PIKFYVE: variants seen among roughly 807,000 people sequenced by gnomAD.
PIKFYVE encodes the protein phosphoinositide kinase, FYVE-type zinc finger containing.
A neutral mutation model predicts 257.9 loss-of-function variants in PIKFYVE; 122 were observed. The observed-to-expected ratio is 0.47, with a 90% CI of 0.41 to 0.55. The LOEUF is 0.55. Among genes scored for constraint, PIKFYVE ranks in the 20% least tolerant of loss-of-function variants. The pLI, the probability that PIKFYVE is intolerant of heterozygous loss-of-function variation, is 0.00. For synonymous variants in PIKFYVE, 892 were observed against 868.9 expected (o/e 1.03, Z -0.47); for missense variants, 2,160 against 2,536.6 (o/e 0.85, Z 3.19).
chr2:208,336,780 G>T (rs969936640), intron 27 of PIKFYVE, 58 bp from the exon 28 acceptor site: 3 of 1,111,244 alleles, frequency 2.7e-6, no homozygotes, highest in Non-Finnish European at 4.1e-6. Flanking sequence ...TTTATAAACA[G>T]CACTCAAGGG....
intron 23 of PIKFYVE, among the ~76,000 whole-genome samples, chr2:208,331,470 T>C (rs1285036623): frequency 6.6e-6 from 1 of 152,170 alleles, no homozygotes; most frequent in Non-Finnish European, 1.5e-5. Flanking sequence ...CTCTGTCTCC[T>C]GAGTTCAAGC....
At chr2:208,351,227 G>A (rs567522863) in intron 37 of PIKFYVE, 125 bp from the exon 38 acceptor site, 3 of 926,340 alleles carry the variant, frequency 3.2e-6, no homozygotes, top group African/African-American at 1.6e-5. Context: ...AATTTTCACT[G>A]TGACATTAGA....
At chr2:208,293,416 C>G (rs1692568063) in intron 7 of PIKFYVE, among the ~76,000 whole-genome samples, 1 of 151,986 alleles carries the variant, frequency 6.6e-6, no homozygotes, top group African/African-American at 2.4e-5. Flanking sequence ...AGTTTCTGAC[C>G]TATATCATAT....
intron 17 of PIKFYVE, 34 bp from the exon 18 acceptor site, chr2:208,324,108 A>G: frequency 6.2e-7 from 1 of 1,604,344 alleles, no homozygotes. Flanking sequence ...ACTGCATTTT[A>G]CCAGGTGTAA....
chr2:208,331,417 G>A (rs1016716678), intron 23 of PIKFYVE, among the ~76,000 whole-genome samples: 2 of 151,716 alleles, frequency 1.3e-5, no homozygotes, highest in African/African-American at 4.8e-5. Context: ...TTGCTCTATC[G>A]CCCGGTCTGG....
chr2:208,300,900 T>C (rs1169138460), intron 8 of PIKFYVE, 37 bp from the exon 9 acceptor site: 1 of 1,613,038 alleles, frequency 6.2e-7, no homozygotes, highest in Non-Finnish European at 8.5e-7. Flanking sequence ...ATAGCATTTT[T>C]CTCAAGGGTA....
intron 7 of PIKFYVE, among the ~76,000 whole-genome samples, chr2:208,292,052 C>T (rs1038188357): frequency 1.3e-4 from 19 of 151,952 alleles, no homozygotes; most frequent in African/African-American, 1.7e-4. Context: ...TTCTTTGACT[C>T]ATGTATTTTT....
At chr2:208,328,028 T>TC in intron 20 of PIKFYVE, 152 bp from the exon 21 acceptor site, 2 of 1,442,008 alleles carry the variant, frequency 1.4e-6, no homozygotes, top group Non-Finnish European at 1.9e-6. Context: ...CAACTGCCCT[T>TC]CCTTATATTT....
chr2:208,336,805 A>T, intron 27 of PIKFYVE, 33 bp from the exon 28 acceptor site: 1 of 1,179,510 alleles, frequency 8.5e-7, no homozygotes, highest in Non-Finnish European at 1.2e-6. Flanking sequence ...GAAACAAACC[A>T]TATATATATA....
chr2:208,333,094 C>T (rs920532659), intron 23 of PIKFYVE, among the ~76,000 whole-genome samples: 4 of 151,526 alleles, frequency 2.6e-5, no homozygotes, highest in African/African-American at 9.7e-5. Flanking sequence ...ATTAGCCGGG[C>T]GTGGTGGCGC....
intron 8 of PIKFYVE, among the ~76,000 whole-genome samples, chr2:208,299,360 GCTCACTGCAAC>G (rs1389516168): frequency 6.6e-6 from 1 of 151,872 alleles, no homozygotes. Context: ...CGCAATCTCG[GCTCACTGCAAC>G]CTCCGCCTCC....
intron 30 of PIKFYVE, 72 bp from the exon 31 acceptor site, chr2:208,339,939 A>G (rs1033511232): frequency 2.1e-5 from 33 of 1,540,790 alleles, no homozygotes; most frequent in Middle Eastern, 1.7e-4. Flanking sequence ...AAGGAAAAGA[A>G]CCAAAGTCAG....
At chr2:208,273,994 A>C (rs1336770323) in intron 3 of PIKFYVE, 1 of 1,607,360 alleles carries the variant, frequency 6.2e-7, no homozygotes, top group East Asian at 2.2e-5. Context: ...CTATTTTTTG[A>C]TTAATTACTT....
intron 39 of PIKFYVE, among the ~76,000 whole-genome samples, chr2:208,353,320 A>C (rs1222388508): frequency 1.3e-5 from 2 of 152,224 alleles, no homozygotes; most frequent in Non-Finnish European, 2.9e-5. Context: ...ATATTCTGGC[A>C]CTAGTTCCCT....
chr2:208,330,458 C>CT lies in PIKFYVE; in HGVS notation c.3792-62dup. The CT allele has an allele frequency of 3.1e-6, 5 of 1,593,526 alleles. No homozygotes were observed. In the East Asian group the frequency reaches 1.1e-4, roughly 36 times the overall value. ...CAGATTGTTCACTAGTCATGCTGCA[C>CT]TTTGACAGTGGTTCTGATTTCTGTT... On this transcript the variant is annotated intron_variant, in intron 22 of 41. Coordinates refer to ENST00000264380, the MANE Select transcript of PIKFYVE (RefSeq NM_015040.4).
chr2:208,344,580 C>A (rs1010751284), intron 32 of PIKFYVE, among the ~76,000 whole-genome samples: 5 of 151,764 alleles, frequency 3.3e-5, no homozygotes, highest in African/African-American at 1.2e-4. Flanking sequence ...CATCTTTTTT[C>A]AATGTCTTAG....
At chr2:208,323,339 G>C (rs9750143) in intron 17 of PIKFYVE, among the ~76,000 whole-genome samples, 141,489 of 142,472 alleles carry the variant, frequency 0.99, 70,265 homozygotes, top group Middle Eastern at 1. Flanking sequence ...CAATTCCCAT[G>C]TATGAGTGAG....
chr2:208,336,192 G>C lies in PIKFYVE; in HGVS notation c.4512G>C (p.Trp1504Cys). Residue 1504 changes from tryptophan (W) to cysteine (C), a missense_variant, in exon 27 of 42, where the codon TGG becomes TGC. By Grantham distance (215) the Trp-to-Cys change is radical. This residue lies in a region of PIKFYVE where 699 missense variants were observed against 855.8 expected (regional missense o/e 0.82). Transcript: ENST00000264380. ...GTCTCTGTGAAGTGCTGCAAGCTTG[G>C]AATAACAGGTGTGATTTTGCAGTCT... ...KQSLCEVLQA[W>C]NNRLQDLFQQ... The C allele has an allele frequency of 6.2e-7, 1 of 1,614,010 alleles. No homozygotes were observed. The highest frequency in any genetic ancestry group is 8.5e-7 in the Non-Finnish European group (1 of 1,179,940).
chr2:208,268,219 G>T (rs1688925007), intron 1 of PIKFYVE, among the ~76,000 whole-genome samples: 1 of 152,154 alleles, frequency 6.6e-6, no homozygotes, highest in Non-Finnish European at 1.5e-5. Flanking sequence ...GACTACACTT[G>T]CTAAGTGTTT....
Sources: gnomAD v4.1 joint callset for allele counts (sites outside exome capture counted in the v4.1 genomes callset) on GRCh38, gnomAD v4.1.1 for gene constraint, gnomAD v4.1.1 regional missense constraint, MANE v1.5 for transcripts, NCBI Gene and HGNC (gene_info 2026-07-23, HGNC 2026-07-21) for gene names.